Variants in TRPM3 observed in about 807,000 individuals in gnomAD.
TRPM3 encodes the protein transient receptor potential cation channel subfamily M member 3.
In TRPM3, 77 loss-of-function variants were observed where a neutral mutation model predicts 181.2. That is an observed-to-expected ratio of 0.42 (90% CI 0.35 to 0.51). The LOEUF is 0.51. Ranked by LOEUF, TRPM3 falls within the 20% of genes least tolerant of loss-of-function variation. TRPM3 has a pLI of 0.01. For synonymous variants in TRPM3, 745 were observed against 796.4 expected (o/e 0.94, Z 1.09); for missense variants, 1,759 against 2,196.7 (o/e 0.80, Z 3.98).
chr9:71,122,513 C>T (rs1026950828), upstream of TRPM3, among the ~76,000 whole-genome samples: 21 of 152,182 alleles, frequency 1.4e-4, no homozygotes, highest in African/African-American at 4.6e-4. Context: ...CTTGGAGCAT[C>T]GCCATCTTAT....
rs72731784 is a variant in TRPM3, at chr9:71,118,205, C to T, written c.177+2973G>A. On this transcript the variant is annotated intron_variant, in intron 1 of 25. Coordinates refer to ENST00000677713, the MANE Select transcript of TRPM3 (RefSeq NM_001366145.2). ...TGGCTATCATCATTGTGTGCCTGTC[C>T]AGAAATTCATTTCCAAGTTTTATTT... is the stretch of plus-strand genomic sequence containing the variant. Among the ~76,000 whole-genome samples the T allele has an allele frequency of 5.3e-4, 80 of 152,252 alleles. 2 individuals are homozygous for T. The South Asian group carries it at 0.015, about 29-fold the overall frequency.
At chr9:70,681,141 T>C (rs556595731) in intron 9 of TRPM3, among the ~76,000 whole-genome samples, 21 of 152,290 alleles carry the variant, frequency 1.4e-4, no homozygotes, top group African/African-American at 4.3e-4. Flanking sequence ...CACACACACA[T>C]ATACTCACAC....
intron 6 of TRPM3, among the ~76,000 whole-genome samples, chr9:70,790,558 G>A (rs557951010): frequency 2.6e-5 from 4 of 152,208 alleles, no homozygotes; most frequent in Non-Finnish European, 5.9e-5. Flanking sequence ...ATGGAGAGCA[G>A]GCAAGCTATT....
intron 1 of TRPM3, among the ~76,000 whole-genome samples, chr9:70,872,570 C>T (rs1158661946): frequency 6.6e-6 from 1 of 151,926 alleles, no homozygotes; most frequent in Non-Finnish European, 1.5e-5. Context: ...CTATGCTTCC[C>T]CCTATTTTCC....
chr9:71,117,338 C>T (rs755002876), intron 1 of TRPM3, among the ~76,000 whole-genome samples: 5 of 152,174 alleles, frequency 3.3e-5, no homozygotes, highest in Admixed American at 6.5e-5. Flanking sequence ...AATGCTGTAG[C>T]TTAGCAGACA....
chr9:70,907,682 T>G (rs2133101043), intron 1 of TRPM3, among the ~76,000 whole-genome samples: 1 of 152,294 alleles, frequency 6.6e-6, no homozygotes, highest in South Asian at 2.1e-4. Context: ...AATAGGTAGT[T>G]TTCCAACCCT....
intron 1 of TRPM3, among the ~76,000 whole-genome samples, chr9:71,057,125 G>C (rs1402067549): frequency 6.6e-6 from 1 of 151,878 alleles, no homozygotes; most frequent in South Asian, 2.1e-4. Flanking sequence ...TGACCCCCTC[G>C]ACACAGAGTT....
At chr9:71,078,665 T>C (rs2063797854) in intron 1 of TRPM3, among the ~76,000 whole-genome samples, 1 of 152,168 alleles carries the variant, frequency 6.6e-6, no homozygotes, top group Non-Finnish European at 1.5e-5. Context: ...TTTTCAATGT[T>C]AAAGGGATCA....
chr9:70,664,117 G>C (rs1303163073), intron 9 of TRPM3, among the ~76,000 whole-genome samples: 1 of 152,158 alleles, frequency 6.6e-6, no homozygotes, highest in Admixed American at 6.5e-5. Flanking sequence ...AGACTTAGCA[G>C]GTAAATAATG....
chr9:71,248,294 C>T lies in TRPM3; in HGVS notation c.183+198359G>A, dbSNP rs112766645. On this transcript the variant is annotated intron_variant, in intron 1 of 24. Coordinates refer to the TRPM3 transcript ENST00000357533. ...GGTTTAGACAGAAGTGTTCAACCAA[C>T]TCTGGCCAATGAGACCCGAGGGAGT... 7.4e-3 allele frequency among the ~76,000 whole-genome samples: 1,133 copies of T among 152,324 alleles called. 12 individuals are homozygous for T. The highest frequency in any genetic ancestry group is 0.024 in the Middle Eastern group (7 of 294).
At chr9:70,838,657 T>C (rs2094461878) in intron 5 of TRPM3, among the ~76,000 whole-genome samples, 1 of 151,862 alleles carries the variant, frequency 6.6e-6, no homozygotes, top group Admixed American at 6.6e-5. Flanking sequence ...TTTGATGAAG[T>C]GTAGGATTAT....
intron 1 of TRPM3, among the ~76,000 whole-genome samples, chr9:71,436,139 G>GC (rs1291340207): frequency 2.0e-5 from 3 of 152,012 alleles, no homozygotes; most frequent in African/African-American, 4.8e-5. Flanking sequence ...TTTATCAGGG[G>GC]TTTCTGCTTT....
chr9:70,856,674 G>A (rs536000756), intron 3 of TRPM3, among the ~76,000 whole-genome samples: 60 of 152,172 alleles, frequency 3.9e-4, no homozygotes, highest in African/African-American at 1.4e-3. Flanking sequence ...CCTCTGGCAG[G>A]CTCTATATAG....
chr9:71,168,022 GTTA>G (rs1236582597), intron 1 of TRPM3, among the ~76,000 whole-genome samples: 8 of 152,146 alleles, frequency 5.3e-5, no homozygotes, highest in Non-Finnish European at 8.8e-5. Context: ...AGGAAGAACT[GTTA>G]TTATCTTAGA....
At chr9:70,843,489 T>C (rs2094810971) in intron 4 of TRPM3, among the ~76,000 whole-genome samples, 1 of 152,214 alleles carries the variant, frequency 6.6e-6, no homozygotes, top group Non-Finnish European at 1.5e-5. Flanking sequence ...AGCTTGACTG[T>C]GTCATGTTAA....
Position 71,141,313 on chromosome 9 carries a change from G to A in TRPM3, c.184-276802C>T, listed in dbSNP as rs141408656. Among the ~76,000 whole-genome samples, 373 of 151,890 alleles carry A rather than the reference G, an allele frequency of 2.5e-3. 1 individual carries two copies. The highest frequency in any genetic ancestry group is 3.5e-3 in the Non-Finnish European group (236 of 67,948). Reference sequence around the variant, plus strand: ...CTGGATGTGGTGCTAATATTCCTACGTGATTTACACACATTTTGAGCTTTT... The same window carrying A: ...CTGGATGTGGTGCTAATATTCCTACATGATTTACACACATTTTGAGCTTTT... On this transcript the variant is annotated intron_variant, in intron 1 of 24. Coordinates refer to the TRPM3 transcript ENST00000357533.
chr9:71,238,971 T>C (rs1251894980), intron 1 of TRPM3, among the ~76,000 whole-genome samples: 1 of 152,138 alleles, frequency 6.6e-6, no homozygotes, highest in Non-Finnish European at 1.5e-5. Context: ...CCAAAATACA[T>C]ATCTCAGACT....
At chr9:70,828,511 T>TA (rs34711280) in intron 5 of TRPM3, among the ~76,000 whole-genome samples, 18,837 of 152,098 alleles carry the variant, frequency 0.12, 1,517 homozygotes, top group Non-Finnish European at 0.18. Context: ...GTCTCTTATT[T>TA]AAAATCAACA....
chr9:70,642,186 T>C (rs548634099), intron 9 of TRPM3, among the ~76,000 whole-genome samples: 1 of 152,298 alleles, frequency 6.6e-6, no homozygotes, highest in African/African-American at 2.4e-5. Context: ...ATATGTCATA[T>C]GTAACATCCC....
Sources: gnomAD v4.1 joint callset for allele counts (sites outside exome capture counted in the v4.1 genomes callset) on GRCh38, gnomAD v4.1.1 for gene constraint, MANE v1.5 for transcripts, NCBI Gene and HGNC (gene_info 2026-07-23, HGNC 2026-07-21) for gene names.